ADAMTS17: variants seen among roughly 807,000 people sequenced by gnomAD.
ADAMTS17 encodes A disintegrin and metalloproteinase with thrombospondin motifs 17.
A neutral mutation model predicts 141.5 loss-of-function variants in ADAMTS17; 113 were observed. The observed-to-expected ratio is 0.80, with a 90% confidence interval of 0.69 to 0.93. The LOEUF is 0.93. ADAMTS17 is among the 40% of genes least tolerant of loss of function. ADAMTS17 has a pLI of 0.00. For missense variants in ADAMTS17, 1,659 were observed against 1,517.9 expected (o/e 1.09, Z -1.54); for synonymous variants, 768 against 630.6 (o/e 1.22, Z -3.27).
Position 100,292,122 on chromosome 15 carries a change from G to GACGCTCAGCCCGTGGGGAGTCACGAGAC in ADAMTS17, c.617-10749_617-10722dup, listed in dbSNP as rs1567496833. On this transcript the variant is annotated intron_variant, in intron 3 of 21. Coordinates refer to ENST00000268070, the MANE Select transcript of ADAMTS17 (RefSeq NM_139057.4). ...GCTCAGCCCGTGGGGAGTCACGAGA[G>GACGCTCAGCCCGTGGGGAGTCACGAGAC]ACGCTCAGCCCGTGGGGAGTCACGA... is the stretch of plus-strand genomic sequence containing the variant. Among the ~76,000 whole-genome samples the GACGCTCAGCCCGTGGGGAGTCACGAGAC allele has an allele frequency of 3.9e-4, 57 of 146,758 alleles. 1 individual carries two copies. The highest frequency in any genetic ancestry group is 7.4e-4 in the Non-Finnish European group (50 of 67,544).
chr15:100,134,965 T>C (rs1476835324), intron 10 of ADAMTS17, among the ~76,000 whole-genome samples: 1 of 152,200 alleles, frequency 6.6e-6, no homozygotes, highest in Non-Finnish European at 1.5e-5. Context: ...TTTGATTCCA[T>C]GCACTCTGAC....
chr15:100,309,345 C>G (rs573454566), intron 3 of ADAMTS17, among the ~76,000 whole-genome samples: 1 of 152,164 alleles, frequency 6.6e-6, no homozygotes, highest in African/African-American at 2.4e-5. Context: ...GGTGACAGGG[C>G]GACACCCTGT....
chr15:100,259,221 A>G (rs1170411696), intron 6 of ADAMTS17, among the ~76,000 whole-genome samples: 1 of 152,258 alleles, frequency 6.6e-6, no homozygotes, highest in African/African-American at 2.4e-5. Context: ...CAGACCAAAT[A>G]TAATTACCAT....
At chr15:100,331,974 T>C (rs1020725718) in intron 2 of ADAMTS17, among the ~76,000 whole-genome samples, 3 of 115,666 alleles carry the variant, frequency 2.6e-5, no homozygotes, top group East Asian at 1.9e-4. Flanking sequence ...CCAAATGAGA[T>C]AGACCCCAGC....
rs558247521 is a variant in ADAMTS17 at position 100,302,934 on chromosome 15, C to T, written c.617-21533G>A. ...AAGAGAAACTGGCCTGGCCTCCCAGCCTACATTTTTTCCCATGCTGGATGC... is the reference window on the plus strand; with the variant it reads ...AAGAGAAACTGGCCTGGCCTCCCAGTCTACATTTTTTCCCATGCTGGATGC... On this transcript the variant is annotated intron_variant, in intron 3 of 21. Transcript: ENST00000268070. 5.9e-5 allele frequency among the ~76,000 whole-genome samples: 9 copies of T among 152,056 alleles called. 1 individual carries two copies. Among genetic ancestry groups the T allele is most frequent in the African/African-American group, 1.9e-4 (8 of 41,474 alleles).
chr15:100,161,789 A>G (rs1031401019), intron 8 of ADAMTS17, among the ~76,000 whole-genome samples: 1 of 152,210 alleles, frequency 6.6e-6, no homozygotes, highest in African/African-American at 2.4e-5. Context: ...ATTTACAGGT[A>G]GAAGAACAGG....
intron 15 of ADAMTS17, among the ~76,000 whole-genome samples, chr15:100,073,515 A>G (rs1037900416): frequency 6.6e-6 from 1 of 152,016 alleles, no homozygotes; most frequent in Non-Finnish European, 1.5e-5. Context: ...AACCAACCCA[A>G]ATGTCCAATA....
intron 3 of ADAMTS17, among the ~76,000 whole-genome samples, chr15:100,323,551 T>C (rs2045800472): frequency 6.6e-6 from 1 of 152,106 alleles, no homozygotes; most frequent in Non-Finnish European, 1.5e-5. Flanking sequence ...TAAAATTTAC[T>C]GAGCTAGGTA....
At chr15:100,207,100 T>C (rs2141688664) in intron 7 of ADAMTS17, among the ~76,000 whole-genome samples, 1 of 152,264 alleles carries the variant, frequency 6.6e-6, no homozygotes, top group East Asian at 1.9e-4. Context: ...GACAGGGCCT[T>C]CAGGGAGGTG....
chr15:100,273,016 C>T (rs1018149240), intron 4 of ADAMTS17, among the ~76,000 whole-genome samples: 7 of 152,008 alleles, frequency 4.6e-5, no homozygotes, highest in African/African-American at 1.7e-4. Flanking sequence ...CTATGTTGAG[C>T]CATCCTTGCA....
At chr15:100,126,757 G>C (rs2037755463) in intron 12 of ADAMTS17, among the ~76,000 whole-genome samples, 1 of 152,246 alleles carries the variant, frequency 6.6e-6, no homozygotes, top group Admixed American at 6.5e-5. Flanking sequence ...CAGGAAGGCA[G>C]TCAGCACATT....
chr15:100,146,332 T>C (rs895970998), intron 10 of ADAMTS17, among the ~76,000 whole-genome samples: 4 of 152,222 alleles, frequency 2.6e-5, no homozygotes, highest in Non-Finnish European at 5.9e-5. Context: ...ATTTATTAGT[T>C]CCCCAAATTA....
At chr15:100,249,938 C>T (rs527857731) in intron 7 of ADAMTS17, among the ~76,000 whole-genome samples, 1 of 152,198 alleles carries the variant, frequency 6.6e-6, no homozygotes, top group Non-Finnish European at 1.5e-5. Flanking sequence ...GAGGGCTGAT[C>T]GCCTTCTTCA....
In ADAMTS17 at chr15:100,024,529, A is replaced by G. The variant is rs114884332; in HGVS notation, c.2591+24328T>C. Among the ~76,000 whole-genome samples the G allele has an allele frequency of 4.5e-3, 685 of 152,304 alleles. 7 individuals carry two copies. The highest frequency in any genetic ancestry group is 0.016 in the African/African-American group (649 of 41,562). On this transcript the variant is annotated intron_variant, in intron 18 of 21. Transcript: ENST00000268070. ...AGTCCTGGATCCAAAGTGTTGAGCA[A>G]CATCATTCAGAGGGCCAGGGAGGAG... is the stretch of plus-strand genomic sequence containing the variant.
intron 15 of ADAMTS17, among the ~76,000 whole-genome samples, chr15:100,076,086 A>C (rs1046801174): frequency 2.6e-5 from 4 of 151,846 alleles, no homozygotes; most frequent in Non-Finnish European, 5.9e-5. Flanking sequence ...TCTGTTGCCT[A>C]GGCTGGAGCA....
chr15:100,049,547 A>C (rs1239767616), intron 17 of ADAMTS17, among the ~76,000 whole-genome samples: 2 of 152,246 alleles, frequency 1.3e-5, no homozygotes, highest in African/African-American at 4.8e-5. Context: ...CTGAGCCCCC[A>C]CCTGCTCTTG....
At chr15:100,183,369 A>C (rs2040592012) in intron 8 of ADAMTS17, among the ~76,000 whole-genome samples, 1 of 152,168 alleles carries the variant, frequency 6.6e-6, no homozygotes, top group African/African-American at 2.4e-5. Context: ...TTCTCTGTTC[A>C]GATTGAGTGA....
intron 7 of ADAMTS17, among the ~76,000 whole-genome samples, chr15:100,239,396 T>A (rs1194553421): frequency 6.6e-6 from 1 of 152,204 alleles, no homozygotes. Flanking sequence ...CAATAATGAC[T>A]GGTGCAGGGA....
In ADAMTS17 at chr15:100,051,732, C is replaced by T. The variant is rs1458438755; in HGVS notation, c.2296-1G>A. ...AATCTTGGTCGTGAAATAACAACAC[C>T]TGGATCAGCCGCAAAACAAAAGGCC... On this transcript the variant is annotated splice_acceptor_variant, in intron 16 of 21. Transcript: ENST00000268070. LOFTEE classifies it high-confidence loss of function. The T allele has an allele frequency of 3.7e-6, 6 of 1,614,148 alleles. No individual in the cohort carries two copies. Among genetic ancestry groups the T allele is most frequent in the Non-Finnish European group, 5.1e-6 (6 of 1,180,024 alleles).
Sources: allele counts gnomAD v4.1 joint callset (sites outside exome capture counted in the v4.1 genomes callset), GRCh38; gene constraint gnomAD v4.1.1; transcripts MANE v1.5; gene names NCBI Gene and HGNC (gene_info 2026-07-23, HGNC 2026-07-21).